Variants in PLCXD3 observed in about 807,000 individuals in gnomAD.
The protein encoded by PLCXD3 is phosphatidylinositol specific phospholipase C X domain containing 3, also known as PI-PLC X domain-containing protein 3.
PLCXD3 carries 19 observed loss-of-function variants against 25.5 expected under a neutral mutation model. That is an observed-to-expected ratio of 0.75 (90% CI 0.52 to 1.09). The LOEUF (loss-of-function observed/expected upper bound fraction) is 1.09, where lower values mean the gene tolerates loss of function less well. Ranked by LOEUF, PLCXD3 falls within the 50% of genes least tolerant of loss-of-function variation. The pLI is 0.00. For synonymous variants in PLCXD3, 174 were observed against 137.6 expected (o/e 1.26, Z -1.85); for missense variants, 411 against 388.1 (o/e 1.06, Z -0.50).
At chr5:41,490,510 G>A (rs1748638633) in intron 1 of PLCXD3, among the ~76,000 whole-genome samples, 2 of 152,182 alleles carry the variant, frequency 1.3e-5, no homozygotes, top group African/African-American at 4.8e-5. Flanking sequence ...AGAAGGAATG[G>A]TACCAGTTCC....
At chr5:41,345,663 A>C (rs574018768) in intron 2 of PLCXD3, among the ~76,000 whole-genome samples, 1 of 145,944 alleles carries the variant, frequency 6.9e-6, no homozygotes, top group African/African-American at 2.5e-5. Flanking sequence ...CTTTACTCCA[A>C]ATTTATACAT....
chr5:41,386,425 T>A (rs550310060), intron 1 of PLCXD3, among the ~76,000 whole-genome samples: 2 of 152,232 alleles, frequency 1.3e-5, no homozygotes, highest in African/African-American at 4.8e-5. Flanking sequence ...AGTACTGGAC[T>A]TAACTTCTCA....
intron 1 of PLCXD3, among the ~76,000 whole-genome samples, chr5:41,431,599 T>C (rs1251461580): frequency 6.6e-6 from 1 of 152,212 alleles, no homozygotes; most frequent in Non-Finnish European, 1.5e-5. Context: ...TTTGCTTATG[T>C]ATATATATCA....
intron 1 of PLCXD3, among the ~76,000 whole-genome samples, chr5:41,402,471 T>G (rs897340905): frequency 6.6e-6 from 1 of 151,674 alleles, no homozygotes; most frequent in African/African-American, 2.4e-5. Context: ...TCTTACAAAT[T>G]TATTGATATT....
At chr5:41,363,812 A>G (rs1305823179) in intron 2 of PLCXD3, among the ~76,000 whole-genome samples, 1 of 152,246 alleles carries the variant, frequency 6.6e-6, no homozygotes, top group African/African-American at 2.4e-5. Flanking sequence ...TATCACTTGG[A>G]TAAATGAGTA....
In PLCXD3 at chr5:41,309,775, T is replaced by A. The variant is rs190165437; in HGVS notation, c.*3842A>T. ...ATGGATTCTCTAATTTGAAGTGAAA[T>A]TGAGAATTTAGATAGACTGTTCGTG... is the stretch of plus-strand genomic sequence containing the variant. On this transcript the variant is annotated 3_prime_UTR_variant, in exon 3 of 3. Coordinates refer to ENST00000377801, the MANE Select transcript of PLCXD3 (RefSeq NM_001005473.3). 2 of 152,302 alleles carry A rather than the reference T, an allele frequency of 1.3e-5. No individual in the cohort carries two copies. Among genetic ancestry groups the A allele is most frequent in the Admixed American group, 1.3e-4 (2 of 15,296 alleles). The allele number at this position is 152,302 out of a possible 1,614,324, so 9.4% of individuals were successfully genotyped here.
intron 2 of PLCXD3, among the ~76,000 whole-genome samples, chr5:41,343,975 T>C (rs1274698704): frequency 6.6e-6 from 1 of 152,158 alleles, no homozygotes; most frequent in East Asian, 1.9e-4. Flanking sequence ...ATTGCTTTTT[T>C]TTCTTACGTT....
At chr5:41,330,617 C>G (rs181901053) in intron 2 of PLCXD3, among the ~76,000 whole-genome samples, 3 of 152,116 alleles carry the variant, frequency 2.0e-5, no homozygotes, top group Non-Finnish European at 4.4e-5. Flanking sequence ...CATCCTGATA[C>G]CAAAGCTGGG....
chr5:41,478,767 T>C (rs1748333662), intron 1 of PLCXD3, among the ~76,000 whole-genome samples: 1 of 152,162 alleles, frequency 6.6e-6, no homozygotes, highest in Non-Finnish European at 1.5e-5. Context: ...AAAAGAGATT[T>C]AATTGACTCA....
chr5:41,393,922 T>C (rs192320529), intron 1 of PLCXD3, among the ~76,000 whole-genome samples: 1 of 151,490 alleles, frequency 6.6e-6, no homozygotes, highest in African/African-American at 2.4e-5. Flanking sequence ...AGAGTGAGAA[T>C]CCATCAAAAA....
chr5:41,451,581 C>T (rs1332502428), intron 1 of PLCXD3, among the ~76,000 whole-genome samples: 2 of 151,484 alleles, frequency 1.3e-5, no homozygotes, highest in Admixed American at 1.3e-4. Flanking sequence ...TATTTAAAAG[C>T]AGCCCCAAAG....
At chr5:41,492,629 C>T (rs1319711317) in intron 1 of PLCXD3, among the ~76,000 whole-genome samples, 3 of 152,102 alleles carry the variant, frequency 2.0e-5, no homozygotes, top group Admixed American at 6.5e-5. Flanking sequence ...AGGCTTTGTT[C>T]GTTTCTTTTT....
chr5:41,378,519 G>A (rs936246672), intron 2 of PLCXD3, among the ~76,000 whole-genome samples: 1 of 151,970 alleles, frequency 6.6e-6, no homozygotes, highest in Admixed American at 6.6e-5. Context: ...TCTTGTCAAT[G>A]ATACAACTCT....
At chr5:41,339,764 C>T (rs113728839) in intron 2 of PLCXD3, among the ~76,000 whole-genome samples, 138 of 152,246 alleles carry the variant, frequency 9.1e-4, no homozygotes, top group African/African-American at 3.2e-3. Context: ...CCTTGCTATA[C>T]TTTTTATCTT....
At chr5:41,457,816 C>T (rs1019610613) in intron 1 of PLCXD3, among the ~76,000 whole-genome samples, 1 of 151,830 alleles carries the variant, frequency 6.6e-6, no homozygotes, top group South Asian at 2.1e-4. Context: ...TGAGAAAATG[C>T]GGAAAGACTG....
At chr5:41,476,166 G>A (rs1276853966) in intron 1 of PLCXD3, among the ~76,000 whole-genome samples, 1 of 152,204 alleles carries the variant, frequency 6.6e-6, no homozygotes, top group African/African-American at 2.4e-5. Context: ...CTGAACCATT[G>A]TAAGTTGGGA....
Position 41,408,801 on chromosome 5 carries a change from A to G in PLCXD3, c.104-26267T>C, listed in dbSNP as rs574915984. On this transcript the variant is annotated intron_variant, in intron 1 of 2. Coordinates refer to ENST00000377801, the MANE Select transcript of PLCXD3 (RefSeq NM_001005473.3). ...CACCAAGCTGCATTTTCAAATGTAT[A>G]TATTTCTACATTTGTAACGATCACC... is the stretch of plus-strand genomic sequence containing the variant. Among the ~76,000 whole-genome samples, 5 of 152,302 alleles carry G rather than the reference A, an allele frequency of 3.3e-5. No individual in the cohort carries two copies. In the East Asian group the frequency reaches 9.7e-4, roughly 29 times the overall value.
chr5:41,450,837 A>G (rs1291201906), intron 1 of PLCXD3, among the ~76,000 whole-genome samples: 4 of 152,090 alleles, frequency 2.6e-5, no homozygotes, highest in African/African-American at 4.8e-5. Flanking sequence ...GCAGAGATGG[A>G]CAAAAGAGAA....
At chr5:41,331,824 GA>G (rs944274377) in intron 2 of PLCXD3, among the ~76,000 whole-genome samples, 4 of 151,566 alleles carry the variant, frequency 2.6e-5, no homozygotes, top group Non-Finnish European at 5.9e-5. Flanking sequence ...ACAAACCTGA[GA>G]AAAAAAAGCA....
Sources: allele counts gnomAD v4.1 joint callset (sites outside exome capture counted in the v4.1 genomes callset), GRCh38; gene constraint gnomAD v4.1.1; transcripts MANE v1.5; gene names NCBI Gene and HGNC (gene_info 2026-07-23, HGNC 2026-07-21).